The following CCSER1 variants were observed in gnomAD, a reference collection of about 807,000 sequenced individuals.
CCSER1 encodes coiled-coil serine rich protein 1.
In CCSER1, 41 loss-of-function variants were observed where a neutral mutation model predicts 82.0. That is an observed-to-expected ratio of 0.50 (90% confidence interval 0.39 to 0.65). The LOEUF (loss-of-function observed/expected upper bound fraction) is 0.65, where lower values mean the gene tolerates loss of function less well. Among genes scored for constraint, CCSER1 ranks in the 30% least tolerant of loss-of-function variants. The probability of loss-of-function intolerance (pLI) is 0.00; values close to 1 mark genes in which losing one functional copy is unlikely to be tolerated. For synonymous variants in CCSER1, 414 were observed against 383.9 expected (o/e 1.08, Z -0.92); for missense variants, 1,119 against 1,064.2 (o/e 1.05, Z -0.72).
chr4:91,443,523 A>C (rs994884633), intron 10 of CCSER1, among the ~76,000 whole-genome samples: 4 of 83,212 alleles, frequency 4.8e-5, no homozygotes, highest in East Asian at 8.3e-4. Flanking sequence ...GGGGAGGGGG[A>C]GGGATAGCAT....
At chr4:91,344,246 G>A (rs1000943675) in intron 10 of CCSER1, among the ~76,000 whole-genome samples, 1 of 152,104 alleles carries the variant, frequency 6.6e-6, no homozygotes, top group African/African-American at 2.4e-5. Context: ...GAAGAATAAG[G>A]CCCCCACTTG....
rs549896645 is a variant in CCSER1, at chr4:90,413,927, T to C, written c.1603+13798T>C. On this transcript the variant is annotated intron_variant, in intron 4 of 10. Transcript: ENST00000509176. Reference sequence around the variant, plus strand: ...TTGCGCCACTGCACCCCAGCCTGGGTGACAGAGCGAGACACCGTCTCAAAA... The same window carrying C: ...TTGCGCCACTGCACCCCAGCCTGGGCGACAGAGCGAGACACCGTCTCAAAA... Among the ~76,000 whole-genome samples the C allele has an allele frequency of 1.8e-3, 194 of 104,880 alleles. 3 individuals carry two copies. The South Asian group carries it at 0.03, about 16-fold the overall frequency. The allele number at this position is 104,880 out of a possible 152,430, so 68.8% of individuals were successfully genotyped here.
At chr4:90,422,008 A>C (rs1200761542) in intron 4 of CCSER1, among the ~76,000 whole-genome samples, 1 of 152,284 alleles carries the variant, frequency 6.6e-6, no homozygotes, top group Middle Eastern at 3.4e-3. Context: ...GAACATTTTT[A>C]ACTAAAGGCA....
intron 6 of CCSER1, among the ~76,000 whole-genome samples, chr4:90,645,862 A>T (rs967233226): frequency 6.6e-6 from 1 of 152,198 alleles, no homozygotes; most frequent in Non-Finnish European, 1.5e-5. Context: ...CTTTAGAAAT[A>T]TCCTTGCTAG....
intron 10 of CCSER1, among the ~76,000 whole-genome samples, chr4:91,373,788 G>T (rs942983591): frequency 1.3e-5 from 2 of 152,236 alleles, no homozygotes; most frequent in South Asian, 2.1e-4. Flanking sequence ...CAAAGGTGAG[G>T]TTTCTTGCAC....
chr4:90,417,813 G>A (rs1296366049), intron 4 of CCSER1, among the ~76,000 whole-genome samples: 2 of 152,128 alleles, frequency 1.3e-5, no homozygotes, highest in Non-Finnish European at 2.9e-5. Context: ...TAGTACAGCA[G>A]AGCAGAGATG....
intron 10 of CCSER1, among the ~76,000 whole-genome samples, chr4:91,577,006 CTACAG>C (rs2110300290): frequency 6.8e-6 from 1 of 148,138 alleles, no homozygotes; most frequent in Admixed American, 6.8e-5. Flanking sequence ...CAATTATATA[CTACAG>C]TAAAGCTAAA....
intron 10 of CCSER1, among the ~76,000 whole-genome samples, chr4:91,573,455 C>T (rs550882196): frequency 1.7e-4 from 26 of 152,322 alleles, no homozygotes; most frequent in African/African-American, 4.8e-4. Flanking sequence ...AGGGTCTCCA[C>T]GCATGCCTGA....
chr4:91,436,150 C>T (rs896771788), intron 10 of CCSER1, among the ~76,000 whole-genome samples: 5 of 152,166 alleles, frequency 3.3e-5, no homozygotes, highest in African/African-American at 1.2e-4. Flanking sequence ...TCAAGAACCA[C>T]AATTACTTTT....
At chr4:90,778,789 A>T (rs1294908042) in intron 7 of CCSER1, among the ~76,000 whole-genome samples, 3 of 151,364 alleles carry the variant, frequency 2.0e-5, no homozygotes, top group Non-Finnish European at 2.9e-5. Flanking sequence ...TAAAAAAAAA[A>T]CTCTTTATTA....
At chr4:91,452,349 G>A (rs756658709) in intron 10 of CCSER1, among the ~76,000 whole-genome samples, 73 of 151,934 alleles carry the variant, frequency 4.8e-4, no homozygotes, top group Admixed American at 2.0e-4. Context: ...TGGACTCCAC[G>A]TGACTGTAAG....
At chr4:90,744,217 C>T (rs960905390) in intron 7 of CCSER1, among the ~76,000 whole-genome samples, 6 of 152,066 alleles carry the variant, frequency 3.9e-5, no homozygotes, top group Non-Finnish European at 7.4e-5. Context: ...AGAGCAGAGG[C>T]CTTGTGCTAG....
At chr4:90,551,428 G>A (rs578048451) in intron 5 of CCSER1, among the ~76,000 whole-genome samples, 8 of 151,842 alleles carry the variant, frequency 5.3e-5, no homozygotes, top group African/African-American at 1.7e-4. Context: ...GCCTCAGAGC[G>A]CACTTTTCTA....
At chr4:90,242,663 C>G (rs1578708821) in intron 1 of CCSER1, among the ~76,000 whole-genome samples, 1 of 152,250 alleles carries the variant, frequency 6.6e-6, no homozygotes, top group South Asian at 2.1e-4. Context: ...AATGATTTTT[C>G]CCCTTTGGTT....
intron 10 of CCSER1, among the ~76,000 whole-genome samples, chr4:91,108,941 G>C (rs1405196876): frequency 6.6e-6 from 1 of 152,158 alleles, no homozygotes; most frequent in Admixed American, 6.5e-5. Context: ...GTGTGGGTGG[G>C]CACCATCAAA....
intron 5 of CCSER1, among the ~76,000 whole-genome samples, chr4:90,571,851 T>G (rs2153654420): frequency 6.6e-6 from 1 of 152,310 alleles, no homozygotes; most frequent in Non-Finnish European, 1.5e-5. Context: ...TCTCTTAAAT[T>G]ATTGTAACTA....
intron 10 of CCSER1, among the ~76,000 whole-genome samples, chr4:91,386,525 A>G (rs2149344774): frequency 6.6e-6 from 1 of 152,194 alleles, no homozygotes; most frequent in South Asian, 2.1e-4. Context: ...TCACTTTGCA[A>G]CCACCATAAT....
chr4:90,984,800 C>T (rs1736444779), intron 9 of CCSER1, among the ~76,000 whole-genome samples: 1 of 151,844 alleles, frequency 6.6e-6, no homozygotes, highest in East Asian at 1.9e-4. Context: ...ACTCTTTCTA[C>T]AGTCAGACTT....
rs1763604473 is a variant in CCSER1, at chr4:91,579,142, T to C, written c.2218-19430T>C. Among the ~76,000 whole-genome samples the C allele has an allele frequency of 5.3e-5, 8 of 151,732 alleles. No homozygotes were observed. In the South Asian group the frequency reaches 1.7e-3, roughly 31 times the overall value. On this transcript the variant is annotated intron_variant, in intron 10 of 10. Coordinates refer to ENST00000509176, the MANE Select transcript of CCSER1 (RefSeq NM_001145065.2). ...TATATTATTATTATTATTATTGTTT[T>C]TAAACCTTTCTTTCTGAGCACATGA...
Sources: allele counts gnomAD v4.1 joint callset (sites outside exome capture counted in the v4.1 genomes callset), GRCh38; gene constraint gnomAD v4.1.1; transcripts MANE v1.5; gene names NCBI Gene and HGNC (gene_info 2026-07-23, HGNC 2026-07-21).